The following TMEM39B variants were observed in gnomAD, a reference collection of about 807,000 sequenced individuals.
TMEM39B encodes the protein transmembrane protein 39B.
Under a neutral mutation model 52.2 loss-of-function variants are expected in TMEM39B, and 23 were observed. The observed-to-expected ratio is 0.44, with a 90% CI of 0.32 to 0.62. The LOEUF is 0.62. Ranked by LOEUF, TMEM39B falls within the 20% of genes least tolerant of loss-of-function variation. TMEM39B has a pLI of 0.06. For synonymous variants in TMEM39B, 285 were observed against 264.0 expected (o/e 1.08, Z -0.77); for missense variants, 547 against 642.0 (o/e 0.85, Z 1.60).
chr1:32,097,311 A>G (rs1640846588), intron 7 of TMEM39B, among the ~76,000 whole-genome samples: 1 of 150,390 alleles, frequency 6.6e-6, no homozygotes, highest in African/African-American at 2.4e-5. Flanking sequence ...CTTAATATAA[A>G]TGAAATCGTG....
At chr1:32,084,286 C>A (rs559034914) in intron 5 of TMEM39B, among the ~76,000 whole-genome samples, 1 of 152,274 alleles carries the variant, frequency 6.6e-6, no homozygotes, top group East Asian at 1.9e-4. Flanking sequence ...AGGCATCCCT[C>A]CTGGAGCCCT....
chr1:32,076,889 C>G (rs757903333), intron 4 of TMEM39B, 43 bp downstream of exon 4: 52 of 1,601,004 alleles, frequency 3.2e-5, no homozygotes, highest in Admixed American at 5.0e-5. Context: ...TGGGATTCCC[C>G]TTTTCCCCTG....
chr1:32,076,290 T>G, intron 3 of TMEM39B: 1 of 262,776 alleles, frequency 3.8e-6, no homozygotes, highest in Non-Finnish European at 7.7e-6. Flanking sequence ...TTTGTATTTT[T>G]AGTGGAGACA....
In TMEM39B at chr1:32,077,110, GC is replaced by G. The variant is rs562694333; in HGVS notation, c.436-50del. On this transcript the variant is annotated intron_variant, in intron 4 of 8. Coordinates refer to ENST00000336294, the MANE Select transcript of TMEM39B (RefSeq NM_018056.4). ...TCATGCTGGGTGGGATTTGGGCACAGCCCCTTCGGCCTCCATCCAAGGCCCC... is the reference window on the plus strand; with the variant it reads ...TCATGCTGGGTGGGATTTGGGCACAGCCCTTCGGCCTCCATCCAAGGCCCC... 2.5e-5 allele frequency: 40 copies of G among 1,600,942 alleles called. 2 individuals are homozygous for G. In the South Asian group the frequency reaches 4.4e-4, roughly 17 times the overall value.
chr1:32,074,467 TA>T (rs1387393786), intron 1 of TMEM39B, among the ~76,000 whole-genome samples: 1 of 152,022 alleles, frequency 6.6e-6, no homozygotes, highest in Non-Finnish European at 1.5e-5. Flanking sequence ...GGCACTGAGG[TA>T]GGGGATATAG....
At position 32,091,955 on chromosome 1, in the gene TMEM39B, G is replaced by A. The variant is rs531154779; in HGVS notation, c.871G>A (p.Val291Ile). ...CAACTGGCGCATGAAGGAAGTGCTC[G>A]TCAGCTCCATGCTGAGCGCCTACTA... The part of the protein sequence containing the change: ...DFNWRMKEVL[V>I]SSMLSAYYVA... Residue 291 changes from valine (V) to isoleucine (I), a missense_variant, in exon 6 of 9, where the codon GTC (valine) becomes ATC (isoleucine). By Grantham distance (29) the Val-to-Ile change is conservative. Coordinates refer to ENST00000336294, the MANE Select transcript of TMEM39B (RefSeq NM_018056.4). 1.4e-4 allele frequency: 233 copies of A among 1,614,190 alleles called. 2 individuals are homozygous for A. The South Asian group carries it at 2.3e-3, about 16-fold the overall frequency.
chr1:32,073,610 G>A, intron 1 of TMEM39B: 1 of 987,776 alleles, frequency 1.0e-6, no homozygotes, highest in Non-Finnish European at 1.2e-6. Flanking sequence ...AGTGGGTGTG[G>A]GCAGAGCTTC....
chr1:32,095,997 A>G (rs1569940646), intron 7 of TMEM39B, among the ~76,000 whole-genome samples: 2 of 152,306 alleles, frequency 1.3e-5, no homozygotes, highest in East Asian at 3.9e-4. Context: ...TCCATGGCTC[A>G]CCGTGGTCCT....
chr1:32,086,778 A>AG (rs1640367544), intron 5 of TMEM39B, among the ~76,000 whole-genome samples: 1 of 151,872 alleles, frequency 6.6e-6, no homozygotes, highest in Non-Finnish European at 1.5e-5. Flanking sequence ...AAAAAAAAAA[A>AG]AGAGAGAGAA....
rs1449456251 is a variant in TMEM39B at position 32,093,447 on chromosome 1, T to C, written c.928-1337T>C. Among the ~76,000 whole-genome samples, 11 of 134,048 alleles carry C rather than the reference T, an allele frequency of 8.2e-5. No homozygotes were observed. The Admixed American group carries it at 9.0e-4, about 11-fold the overall frequency. The allele number at this position is 134,048 out of a possible 152,430, so 87.9% of individuals were successfully genotyped here. On this transcript the variant is annotated intron_variant, in intron 6 of 8. Transcript: ENST00000336294. Reference sequence around the variant, plus strand: ...TTTTTTTTAAGACTAGGTCTTGCTCTATGGCCCAGGCTGGAGTGCAGTGGC... The same window carrying C: ...TTTTTTTTAAGACTAGGTCTTGCTCCATGGCCCAGGCTGGAGTGCAGTGGC...
Position 32,075,754 on chromosome 1 carries a change from C to T in TMEM39B, c.283C>T (p.His95Tyr), listed in dbSNP as rs1333912549. 1.3e-6 allele frequency: 2 copies of T among 1,551,242 alleles called. No homozygotes were observed. The highest frequency in any genetic ancestry group is 2.4e-5 in the South Asian group (2 of 84,040). ...FFCQLIALFV[H>Y]YINIYKTVWW... ...CTGCCAGCTCATAGCACTCTTCGTC[C>T]ACTACATCAACATCTACAAGACAGT... Residue 95 changes from histidine to tyrosine, a missense_variant, in exon 3 of 9, where the codon CAC (histidine) becomes TAC (tyrosine). Transcript: ENST00000336294.
chr1:32,083,923 T>C (rs777242870), intron 5 of TMEM39B, among the ~76,000 whole-genome samples: 3 of 151,984 alleles, frequency 2.0e-5, no homozygotes, highest in Non-Finnish European at 4.4e-5. Flanking sequence ...TGCCAGAGGT[T>C]ACAGTGAGCT....
intron 3 of TMEM39B, 43 bp downstream of exon 3, chr1:32,075,865 CGTGTGTGTGTATGT>C (rs1557909931): frequency 1.2e-5 from 10 of 828,346 alleles, no homozygotes; most frequent in Non-Finnish European, 1.5e-5. Flanking sequence ...TGTGTGTGTG[CGTGTGTGTGTATGT>C]GTGTGTGTGT....
At chr1:32,078,142 A>G (rs577550052) in intron 5 of TMEM39B, among the ~76,000 whole-genome samples, 30 of 152,284 alleles carry the variant, frequency 2.0e-4, no homozygotes, top group African/African-American at 5.3e-4. Context: ...AGGCACTGGC[A>G]TGGGAGCCCT....
In TMEM39B at chr1:32,072,991, C is replaced by G; in HGVS notation, c.-57C>G. The G allele has an allele frequency of 6.5e-7, 1 of 1,532,664 alleles. No individual in the cohort carries two copies. Among genetic ancestry groups the G allele is most frequent in the Non-Finnish European group, 8.8e-7 (1 of 1,138,468 alleles). The allele number at this position is 1,532,664 out of a possible 1,614,324, so 94.9% of individuals were successfully genotyped here. On this transcript the variant is annotated 5_prime_UTR_variant, in exon 1 of 9. Coordinates refer to ENST00000336294, the MANE Select transcript of TMEM39B (RefSeq NM_018056.4). ...AGTCCTCTCCCGGCCGCCGTCGCCT[C>G]CGACATATTGCCCGCAGGAGCTGCG...
chr1:32,072,900 T>A, upstream of TMEM39B: 1 of 1,094,242 alleles, frequency 9.1e-7, no homozygotes, highest in Non-Finnish European at 1.3e-6. Flanking sequence ...CCAGCCCGCC[T>A]TGTATGCAAA....
chr1:32,082,041 T>TTGATAGC (rs1376232258), intron 5 of TMEM39B, among the ~76,000 whole-genome samples: 1 of 152,194 alleles, frequency 6.6e-6, no homozygotes, highest in Non-Finnish European at 1.5e-5. Context: ...TTCCCAGTAA[T>TTGATAGC]TGATAGCTTT....
intron 5 of TMEM39B, among the ~76,000 whole-genome samples, chr1:32,088,564 AT>A (rs35622976): frequency 0.55 from 67,943 of 123,692 alleles, 18,502 homozygotes; most frequent in Non-Finnish European, 0.67. Flanking sequence ...CCTCACTCCC[AT>A]TTTTTTTTTT....
intron 5 of TMEM39B, among the ~76,000 whole-genome samples, chr1:32,079,043 T>G (rs1639981601): frequency 6.6e-6 from 1 of 151,870 alleles, no homozygotes; most frequent in Non-Finnish European, 1.5e-5. Context: ...TCTATGCCAA[T>G]ACATACGGGT....
Sources: allele counts gnomAD v4.1 joint callset (sites outside exome capture counted in the v4.1 genomes callset), GRCh38; gene constraint gnomAD v4.1.1; transcripts MANE v1.5; gene names NCBI Gene and HGNC (gene_info 2026-07-23, HGNC 2026-07-21).